Variants in ABCC12 observed in about 807,000 individuals in gnomAD.
The protein encoded by ABCC12 is ATP-binding cassette sub-family C member 12.
In ABCC12, 142 loss-of-function variants were observed where a neutral mutation model predicts 151.1. That is an observed-to-expected ratio of 0.94 (90% CI 0.82 to 1.08). ABCC12 has a LOEUF of 1.08. ABCC12 is among the 50% of genes least tolerant of loss of function. ABCC12 has a pLI of 0.00. For missense variants in ABCC12, 1,638 were observed against 1,691.1 expected (o/e 0.97, Z 0.55); for synonymous variants, 645 against 646.4 (o/e 1.00, Z 0.03).
chr16:48,111,823 C>T lies in ABCC12; in HGVS notation c.2077G>A (p.Gly693Arg), dbSNP rs778950214. 4 of 1,614,066 alleles carry T rather than the reference C, an allele frequency of 2.5e-6. No individual in the cohort carries two copies. Among genetic ancestry groups the T allele is most frequent in the Non-Finnish European group, 2.5e-6 (3 of 1,180,034 alleles). Residue 693 changes from glycine to arginine, a missense_variant, in exon 16 of 31, where the codon GGG (glycine) becomes AGG (arginine). Transcript: ENST00000311303. Reference protein sequence around the residue: ...GTHKELMEERGRYAKLIHNLR... With the variant: ...GTHKELMEERRRYAKLIHNLR... ...TTGTGAATCAGTTTTGCATAGCGCCCTCTCTCCTCCATTAACTCCTTGTGG... is the reference window on the plus strand; with the variant it reads ...TTGTGAATCAGTTTTGCATAGCGCCTTCTCTCCTCCATTAACTCCTTGTGG...
At chr16:48,091,505 G>A (rs1396993917) in intron 24 of ABCC12, among the ~76,000 whole-genome samples, 1 of 152,162 alleles carries the variant, frequency 6.6e-6, no homozygotes, top group Non-Finnish European at 1.5e-5. Flanking sequence ...ACGCCTCTTT[G>A]AGTGGTGGGA....
rs1247199188 is a variant in ABCC12, at chr16:48,128,659, C to T, written c.1315G>A (p.Ala439Thr). 1.1e-5 allele frequency: 17 copies of T among 1,614,062 alleles called. No individual in the cohort carries two copies. The highest frequency in any genetic ancestry group is 1.4e-5 in the Non-Finnish European group (17 of 1,180,050). The change falls in exon 11 of 31, where the codon GCC becomes ACC. Residue 439 changes from alanine (A) to threonine (T), a missense_variant. By Grantham distance (58) the Ala-to-Thr change is moderately conservative. Coordinates refer to ENST00000311303, the MANE Select transcript of ABCC12 (RefSeq NM_001393797.1). ...GCTTCATGCTCCCATGTCAAGGTGGCATTTGCTAAAAGCAAGACAGTATCT... is the reference window on the plus strand; with the variant it reads ...GCTTCATGCTCCCATGTCAAGGTGGTATTTGCTAAAAGCAAGACAGTATCT... Reference protein sequence around the residue: ...DPDTVLLLANATLTWEHEASR... With the variant: ...DPDTVLLLANTTLTWEHEASR...
At chr16:48,113,490 G>A (rs141895560) in intron 15 of ABCC12, among the ~76,000 whole-genome samples, 27 of 152,326 alleles carry the variant, frequency 1.8e-4, no homozygotes, top group African/African-American at 6.3e-4. Context: ...CACCAAATCT[G>A]CACCTGGGTT....
intron 13 of ABCC12, among the ~76,000 whole-genome samples, chr16:48,120,428 C>A (rs1235296928): frequency 1.3e-5 from 2 of 152,122 alleles, no homozygotes; most frequent in African/African-American, 2.4e-5. Context: ...ACACTATATA[C>A]CCCTGTAACA....
At chr16:48,101,893 GC>G (rs1271966768) in intron 22 of ABCC12, among the ~76,000 whole-genome samples, 1 of 152,196 alleles carries the variant, frequency 6.6e-6, no homozygotes, top group Non-Finnish European at 1.5e-5. Flanking sequence ...TCCAGGACTT[GC>G]TTTTATCCTG....
intron 30 of ABCC12, 51 bp from the exon 31 acceptor site, chr16:48,083,852 G>A: frequency 1.2e-6 from 2 of 1,613,916 alleles, no homozygotes; most frequent in Non-Finnish European, 1.7e-6. Context: ...TCTACCCACT[G>A]TAAAGCTCAA....
chr16:48,142,878 G>C (rs1281276436), intron 4 of ABCC12, among the ~76,000 whole-genome samples: 2 of 152,204 alleles, frequency 1.3e-5, no homozygotes, highest in Non-Finnish European at 2.9e-5. Context: ...ATCTGAAGAA[G>C]ACGGTAGCCC....
chr16:48,138,423 C>T (rs761772001), intron 7 of ABCC12, 48 bp from the exon 8 acceptor site: 1 of 1,557,754 alleles, frequency 6.4e-7, no homozygotes, highest in South Asian at 1.2e-5. Flanking sequence ...TGCTGAGTTG[C>T]AGCTGGCCTA....
intron 24 of ABCC12, among the ~76,000 whole-genome samples, chr16:48,092,867 A>T (rs1391383635): frequency 6.6e-6 from 1 of 152,136 alleles, no homozygotes; most frequent in Non-Finnish European, 1.5e-5. Context: ...CAGGATAAGA[A>T]TGCTCTAGTA....
chr16:48,113,491 C>T (rs76550587), intron 15 of ABCC12, among the ~76,000 whole-genome samples: 2,687 of 152,318 alleles, frequency 0.018, 86 homozygotes, highest in African/African-American at 0.061. Flanking sequence ...ACCAAATCTG[C>T]ACCTGGGTTG....
intron 12 of ABCC12, 105 bp from the exon 13 acceptor site, chr16:48,121,945 G>T: frequency 6.5e-7 from 1 of 1,527,916 alleles, no homozygotes; most frequent in Non-Finnish European, 8.8e-7. Flanking sequence ...CATTGGTTAT[G>T]AAGGCACAAA....
intron 2 of ABCC12, among the ~76,000 whole-genome samples, chr16:48,149,179 T>C (rs1480976284): frequency 8.1e-6 from 1 of 123,232 alleles, no homozygotes; most frequent in East Asian, 2.3e-4. Context: ...AAATACTTTT[T>C]AAAAAGGGTT....
intron 24 of ABCC12, 47 bp from the exon 25 acceptor site, chr16:48,091,256 C>T (rs538332591): frequency 6.4e-6 from 10 of 1,561,280 alleles, no homozygotes; most frequent in East Asian, 2.2e-5. Context: ...CTTCCTCCTT[C>T]GGGTTCTGCA....
intron 12 of ABCC12, among the ~76,000 whole-genome samples, chr16:48,122,447 T>C (rs1052576676): frequency 2.0e-5 from 3 of 152,228 alleles, no homozygotes; most frequent in African/African-American, 7.2e-5. Flanking sequence ...AAACTATGCA[T>C]GGGCTCCAGT....
chr16:48,136,187 A>C (rs1220921716), intron 8 of ABCC12, among the ~76,000 whole-genome samples: 2 of 152,168 alleles, frequency 1.3e-5, no homozygotes, highest in Non-Finnish European at 2.9e-5. Context: ...AAGCTCTGCT[A>C]TCCAGGTGCC....
At chr16:48,094,836 A>C (rs2150591636) in intron 24 of ABCC12, among the ~76,000 whole-genome samples, 1 of 152,344 alleles carries the variant, frequency 6.6e-6, no homozygotes, top group East Asian at 1.9e-4. Flanking sequence ...ACCTGCAGTC[A>C]TAAAATTTCC....
intron 9 of ABCC12, 78 bp downstream of exon 9, chr16:48,133,609 G>T: frequency 6.6e-7 from 1 of 1,525,152 alleles, no homozygotes; most frequent in Non-Finnish European, 8.9e-7. Flanking sequence ...AGTATTGAGC[G>T]ACGGTAGGAA....
At chr16:48,143,407 G>GT (rs1314869059) in intron 4 of ABCC12, among the ~76,000 whole-genome samples, 1 of 152,198 alleles carries the variant, frequency 6.6e-6, no homozygotes, top group Admixed American at 6.5e-5. Flanking sequence ...TCAGAGAATG[G>GT]TTACCAACAC....
At position 48,144,068 on chromosome 16, in the gene ABCC12, G is replaced by T. The variant is rs1344068025; in HGVS notation, c.120-3C>A. The T allele has an allele frequency of 6.2e-7, 1 of 1,611,568 alleles. No individual in the cohort carries two copies. The highest frequency in any genetic ancestry group is 1.7e-5 in the Admixed American group (1 of 59,794). ...CATCCACCGGGTTGGGTGCTAACCTGCAGACAAACAAGACACTCAGCGTTC... is the reference window on the plus strand; with the variant it reads ...CATCCACCGGGTTGGGTGCTAACCTTCAGACAAACAAGACACTCAGCGTTC... On this transcript the variant is annotated splice_polypyrimidine_tract_variant and splice_region_variant and intron_variant, in intron 3 of 30. Coordinates refer to ENST00000311303, the MANE Select transcript of ABCC12 (RefSeq NM_001393797.1).
Sources: allele counts gnomAD v4.1 joint callset (sites outside exome capture counted in the v4.1 genomes callset), GRCh38; gene constraint gnomAD v4.1.1; transcripts MANE v1.5; gene names NCBI Gene and HGNC (gene_info 2026-07-23, HGNC 2026-07-21).